Variants in NREP observed in about 807,000 individuals in gnomAD.
The protein encoded by NREP is neuronal regeneration-related protein.
A neutral mutation model predicts 8.6 loss-of-function variants in NREP; 5 were observed. The ratio of observed to expected loss-of-function variants is 0.58; its 90% CI spans 0.30 to 1.22. NREP has a LOEUF of 1.22. NREP is among the 50% of genes most tolerant of loss of function. The pLI is 0.07. For missense variants in NREP, 86 were observed against 82.5 expected (o/e 1.04, Z -0.17); for synonymous variants, 27 against 28.0 (o/e 0.96, Z 0.11).
chr5:111,766,529 G>T (rs1026581912), intron 2 of NREP, among the ~76,000 whole-genome samples: 2 of 152,224 alleles, frequency 1.3e-5, no homozygotes, highest in Non-Finnish European at 2.9e-5. Context: ...GTGAAGGGAA[G>T]TGTAATGTTA....
intron 2 of NREP, among the ~76,000 whole-genome samples, chr5:111,764,181 G>A (rs576902304): frequency 2.0e-5 from 3 of 152,312 alleles, no homozygotes; most frequent in Admixed American, 6.5e-5. Flanking sequence ...AGCATCCAGG[G>A]TTATGCTTTC....
At chr5:111,925,084 T>C (rs1401218631) in intron 2 of NREP, among the ~76,000 whole-genome samples, 8 of 152,048 alleles carry the variant, frequency 5.3e-5, no homozygotes, top group African/African-American at 1.9e-4. Flanking sequence ...GAAGCCTGGA[T>C]TGGAAAAGAA....
intron 3 of NREP, chr5:111,733,897 G>T (rs536256539): frequency 6.6e-6 from 1 of 152,252 alleles, no homozygotes; most frequent in South Asian, 2.1e-4. Flanking sequence ...GACCAAGTAA[G>T]TCAAGATTAT....
intron 2 of NREP, among the ~76,000 whole-genome samples, chr5:111,920,786 G>A (rs187327102): frequency 1.3e-3 from 196 of 152,182 alleles, no homozygotes; most frequent in African/African-American, 4.5e-3. Context: ...TAAAAAAGGC[G>A]GGGCAGAACA....
At chr5:111,935,141 T>G (rs1253996021) in intron 2 of NREP, among the ~76,000 whole-genome samples, 1 of 152,130 alleles carries the variant, frequency 6.6e-6, no homozygotes, top group Non-Finnish European at 1.5e-5. Flanking sequence ...ATTTCCCCAC[T>G]GTCTCCTTTG....
intron 2 of NREP, among the ~76,000 whole-genome samples, chr5:111,832,445 G>A (rs543594539): frequency 3.3e-5 from 5 of 152,204 alleles, no homozygotes; most frequent in Admixed American, 2.0e-4. Flanking sequence ...GAGGTGGGAG[G>A]ATTGCTTAAA....
chr5:111,851,826 G>A (rs990022853), intron 2 of NREP, among the ~76,000 whole-genome samples: 1 of 152,102 alleles, frequency 6.6e-6, no homozygotes, highest in Non-Finnish European at 1.5e-5. Flanking sequence ...ATTAGCTCAT[G>A]TTTTCCATTC....
At chr5:111,907,529 A>G (rs941916449) in intron 2 of NREP, among the ~76,000 whole-genome samples, 4 of 152,050 alleles carry the variant, frequency 2.6e-5, no homozygotes, top group Non-Finnish European at 4.4e-5. Context: ...TTTCTGCTCC[A>G]TTAGCCTACT....
chr5:111,741,822 CAT>C (rs1278311441), intron 2 of NREP, among the ~76,000 whole-genome samples: 5 of 37,182 alleles, frequency 1.3e-4, no homozygotes, highest in Non-Finnish European at 2.9e-4. Flanking sequence ...TAAACACACA[CAT>C]ACACACACAC....
At chr5:111,936,268 C>T (rs1014303183) in intron 2 of NREP, among the ~76,000 whole-genome samples, 7 of 151,936 alleles carry the variant, frequency 4.6e-5, no homozygotes, top group African/African-American at 1.7e-4. Flanking sequence ...GCAGTTTCCC[C>T]CATGCTGTTC....
At chr5:111,890,344 T>A (rs1754364768) in intron 2 of NREP, among the ~76,000 whole-genome samples, 1 of 152,236 alleles carries the variant, frequency 6.6e-6, no homozygotes, top group Non-Finnish European at 1.5e-5. Context: ...TTGCAGCTAC[T>A]CTCAGAGGTT....
intron 2 of NREP, among the ~76,000 whole-genome samples, chr5:111,741,077 A>ATGT (rs1749611095): frequency 6.6e-6 from 1 of 152,148 alleles, no homozygotes; most frequent in African/African-American, 2.4e-5. Context: ...CATAACTGTA[A>ATGT]TGTTATTCTT....
intron 2 of NREP, among the ~76,000 whole-genome samples, chr5:111,963,760 T>A (rs535827094): frequency 6.6e-6 from 1 of 152,358 alleles, no homozygotes; most frequent in Non-Finnish European, 1.5e-5. Context: ...GGTTCAATTC[T>A]TCATTTTACA....
At chr5:111,940,149 C>T (rs1300569670) in intron 2 of NREP, 1 of 152,040 alleles carries the variant, frequency 6.6e-6, no homozygotes, top group Non-Finnish European at 1.5e-5. Flanking sequence ...GTTGTCAAAA[C>T]AAAACTATTC....
upstream of NREP, chr5:111,758,252 C>T: frequency 1.0e-6 from 1 of 985,570 alleles, no homozygotes; most frequent in African/African-American, 1.7e-5. Context: ...CACACGCGCA[C>T]AACCAGCCAG....
intron 3 of NREP, chr5:111,734,495 T>G: frequency 2.5e-6 from 1 of 394,910 alleles, no homozygotes; most frequent in Non-Finnish European, 4.5e-6. Context: ...TCAAAAATGC[T>G]CTGCAAGATT....
chr5:111,912,354 C>G (rs1342881732), intron 2 of NREP, among the ~76,000 whole-genome samples: 1 of 151,968 alleles, frequency 6.6e-6, no homozygotes, highest in Admixed American at 6.6e-5. Context: ...TGACCCTCCT[C>G]ACTTCATCCA....
At chr5:111,845,614 T>A (rs1377349682) in intron 2 of NREP, among the ~76,000 whole-genome samples, 1 of 152,168 alleles carries the variant, frequency 6.6e-6, no homozygotes, top group Non-Finnish European at 1.5e-5. Flanking sequence ...CAGCTTAAAA[T>A]CTGGAAGCAA....
At chr5:111,842,512 A>G (rs1446787519) in intron 2 of NREP, among the ~76,000 whole-genome samples, 1 of 152,182 alleles carries the variant, frequency 6.6e-6, no homozygotes, top group Non-Finnish European at 1.5e-5. Flanking sequence ...ATTTTATGTT[A>G]TTGCTGTCAC....
Sources: allele counts gnomAD v4.1 joint callset (sites outside exome capture counted in the v4.1 genomes callset), GRCh38; gene constraint gnomAD v4.1.1; transcripts MANE v1.5; gene names NCBI Gene and HGNC (gene_info 2026-07-23, HGNC 2026-07-21).